NOL10: variants seen among roughly 807,000 people sequenced by gnomAD.
NOL10 encodes the protein H_NH0074G24.1.
NOL10 carries 58 observed loss-of-function variants against 103.5 expected under a neutral mutation model. The ratio of observed to expected loss-of-function variants is 0.56; its 90% CI spans 0.45 to 0.70. The LOEUF is 0.70. NOL10 is among the 30% of genes least tolerant of loss of function. NOL10 has a pLI of 0.00. For missense variants in NOL10, 763 were observed against 807.3 expected, an observed-to-expected ratio of 0.95 and a Z score of 0.67; for synonymous variants, 287 against 282.5, an observed-to-expected ratio of 1.02 and a Z score of -0.16.
chr2:10,592,269 T>C (rs1380414902), intron 17 of NOL10, among the ~76,000 whole-genome samples: 2 of 152,008 alleles, frequency 1.3e-5, no homozygotes, highest in Non-Finnish European at 2.9e-5. Flanking sequence ...AAAAACAGGG[T>C]TAGAAACTTC....
intron 19 of NOL10, among the ~76,000 whole-genome samples, chr2:10,582,795 T>C (rs189872684): frequency 1.3e-5 from 2 of 152,332 alleles, no homozygotes; most frequent in Non-Finnish European, 2.9e-5. Flanking sequence ...TACTACCCAC[T>C]TTCTGTGGCT....
At chr2:10,667,047 A>G (rs1680614356) in intron 8 of NOL10, among the ~76,000 whole-genome samples, 171 bp downstream of exon 8, 1 of 152,220 alleles carries the variant, frequency 6.6e-6, no homozygotes, top group Non-Finnish European at 1.5e-5. Flanking sequence ...TTTAAAAGAA[A>G]AATGTTGTGT....
At chr2:10,622,353 G>A (rs1677197403) in intron 13 of NOL10, among the ~76,000 whole-genome samples, 1 of 152,154 alleles carries the variant, frequency 6.6e-6, no homozygotes, top group Admixed American at 6.5e-5. Flanking sequence ...CGCTGTGTGT[G>A]TCATACGTGA....
At chr2:10,629,274 A>G (rs747773017) in intron 13 of NOL10, among the ~76,000 whole-genome samples, 4 of 152,196 alleles carry the variant, frequency 2.6e-5, no homozygotes, top group Non-Finnish European at 4.4e-5. Flanking sequence ...AATGTTGGCA[A>G]GAATGTCTCT....
At chr2:10,582,706 T>C (rs1003075852) in intron 19 of NOL10, among the ~76,000 whole-genome samples, 2 of 152,188 alleles carry the variant, frequency 1.3e-5, no homozygotes, top group African/African-American at 4.8e-5. Context: ...AGGCTCTCCT[T>C]ACCTGGTACT....
intron 13 of NOL10, among the ~76,000 whole-genome samples, chr2:10,609,171 T>C (rs1056774314): frequency 1.3e-5 from 2 of 151,842 alleles, no homozygotes; most frequent in African/African-American, 2.4e-5. Flanking sequence ...TGCACTTGCA[T>C]GTCCACACAC....
At chr2:10,638,625 G>T (rs1288657294) in intron 13 of NOL10, among the ~76,000 whole-genome samples, 2 of 149,416 alleles carry the variant, frequency 1.3e-5, no homozygotes, top group Non-Finnish European at 3.0e-5. Flanking sequence ...CCAAGTAGCT[G>T]GGATTACAGG....
intron 13 of NOL10, among the ~76,000 whole-genome samples, chr2:10,634,994 A>G (rs536109830): frequency 4.2e-4 from 64 of 152,188 alleles, no homozygotes; most frequent in Non-Finnish European, 7.9e-4. Context: ...TGTTTCTAAA[A>G]TGCTTGAGAT....
chr2:10,670,552 A>C, intron 6 of NOL10, among the ~76,000 whole-genome samples: 1 of 152,028 alleles, frequency 6.6e-6, no homozygotes, highest in East Asian at 1.9e-4. Context: ...CTGGCCAACA[A>C]GGTGAAACAT....
intron 19 of NOL10, among the ~76,000 whole-genome samples, chr2:10,587,044 T>TATATATATATACATATATATATAC (rs1420411515): frequency 1.7e-5 from 1 of 58,264 alleles, no homozygotes; most frequent in Non-Finnish European, 4.1e-5. Context: ...AAGTTAAATG[T>TATATATATATACATATATATATAC]ATATATATAT....
rs898865300 is a variant in NOL10 at position 10,689,957 on chromosome 2, G to C, written c.-96C>G. On this transcript the variant is annotated 5_prime_UTR_variant, in exon 1 of 21. Transcript: ENST00000381685. ...CCTCCGAGCCCCTGCTCCGCGGCGT[G>C]CGGCCGCTGGCGCCGACTGATGACG... is the stretch of plus-strand genomic sequence containing the variant. 44 of 1,143,094 alleles carry C rather than the reference G, an allele frequency of 3.8e-5. No individual in the cohort carries two copies. The highest frequency in any genetic ancestry group is 1.5e-5 in the African/African-American group (1 of 64,682). 70.8% of individuals were successfully genotyped at this position (1,143,094 alleles called of 1,614,324 possible). A position where few individuals can be genotyped will look rare whatever the true frequency, so the allele number is the denominator to read the frequency against.
chr2:10,677,871 G>GTGTA (rs201387297), intron 3 of NOL10, among the ~76,000 whole-genome samples: 8,063 of 145,866 alleles, frequency 0.055, 435 homozygotes, highest in East Asian at 0.34. Context: ...GTGTGTGTGT[G>GTGTA]TATACACATA....
At chr2:10,656,345 C>T (rs1328885880) in intron 11 of NOL10, among the ~76,000 whole-genome samples, 2 of 152,190 alleles carry the variant, frequency 1.3e-5, no homozygotes, top group African/African-American at 4.8e-5. Flanking sequence ...ACAAAGCAGA[C>T]AGCATAGACA....
At chr2:10,612,605 C>T (rs1023974892) in intron 13 of NOL10, among the ~76,000 whole-genome samples, 3 of 152,080 alleles carry the variant, frequency 2.0e-5, no homozygotes, top group Non-Finnish European at 2.9e-5. Flanking sequence ...CAGGTTCAAG[C>T]GATTCTCATA....
At chr2:10,620,205 CAA>C (rs1238197331) in intron 13 of NOL10, among the ~76,000 whole-genome samples, 1 of 152,134 alleles carries the variant, frequency 6.6e-6, no homozygotes, top group African/African-American at 2.4e-5. Flanking sequence ...TCCTTGCAGG[CAA>C]AAGTGTTTAT....
chr2:10,674,713 T>C (rs1433346391), intron 4 of NOL10, among the ~76,000 whole-genome samples: 1 of 152,186 alleles, frequency 6.6e-6, no homozygotes, highest in Non-Finnish European at 1.5e-5. Context: ...AAAGTGCGCC[T>C]GTAATCCCAG....
intron 8 of NOL10, among the ~76,000 whole-genome samples, chr2:10,663,457 T>C (rs988586218): frequency 6.6e-6 from 1 of 151,992 alleles, no homozygotes; most frequent in African/African-American, 2.4e-5. Context: ...AAAGTCCTTA[T>C]TTTTAAGAAA....
At chr2:10,579,560 CTTTTT>C (rs398043037) in intron 19 of NOL10, among the ~76,000 whole-genome samples, 2 of 144,324 alleles carry the variant, frequency 1.4e-5, no homozygotes, top group East Asian at 4.1e-4. Context: ...TTTCGGTTAG[CTTTTT>C]TTTTTTTTTT....
At chr2:10,598,092 G>A (rs1572261631) in intron 17 of NOL10, among the ~76,000 whole-genome samples, 1 of 152,292 alleles carries the variant, frequency 6.6e-6, no homozygotes, top group South Asian at 2.1e-4. Context: ...AATACCAGGT[G>A]CCCCAACAAG....
Sources: allele counts gnomAD v4.1 joint callset (sites outside exome capture counted in the v4.1 genomes callset), GRCh38; gene constraint gnomAD v4.1.1; transcripts MANE v1.5; gene names NCBI Gene and HGNC (gene_info 2026-07-23, HGNC 2026-07-21).